The following SULF2 variants were observed in gnomAD, a reference collection of about 807,000 sequenced individuals.
SULF2 encodes the protein extracellular sulfatase Sulf-2.
SULF2 carries 52 observed loss-of-function variants against 107.7 expected under a neutral mutation model. The ratio of observed to expected loss-of-function variants is 0.48; its 90% CI spans 0.39 to 0.61. The LOEUF is 0.61. SULF2 is among the 20% of genes least tolerant of loss of function. The probability of loss-of-function intolerance (pLI) is 0.00; values close to 1 mark genes in which losing one functional copy is unlikely to be tolerated. For synonymous variants in SULF2, 460 were observed against 464.3 expected (o/e 0.99, Z 0.12); for missense variants, 993 against 1,177.3 (o/e 0.84, Z 2.29).
chr20:47,659,305 T>G, intron 20 of SULF2, 94 bp downstream of exon 20: 1 of 1,074,276 alleles, frequency 9.3e-7, no homozygotes, highest in Admixed American at 1.7e-5. Context: ...AAACAAAGGG[T>G]GGTATGTAAG....
intron 9 of SULF2, 182 bp from the exon 10 acceptor site, chr20:47,676,805 A>G: frequency 1.4e-6 from 1 of 731,106 alleles, no homozygotes; most frequent in Non-Finnish European, 2.2e-6. Flanking sequence ...GAATTTTATA[A>G]GAAACTTCCC....
intron 3 of SULF2, among the ~76,000 whole-genome samples, chr20:47,707,959 G>A (rs1318910945): frequency 1.3e-5 from 2 of 152,122 alleles, no homozygotes; most frequent in African/African-American, 2.4e-5. Context: ...AGTGTACCTG[G>A]GCATGGTACA....
At position 47,657,834 on chromosome 20, in the gene SULF2, T is replaced by C. The variant is rs2086943609; in HGVS notation, c.*528A>G. 6.3e-6 allele frequency: 1 copy of C among 158,582 alleles called. No homozygotes were observed. Among genetic ancestry groups the C allele is most frequent in the Non-Finnish European group, 1.4e-5 (1 of 71,788 alleles). The allele number at this position is 158,582 out of a possible 1,614,324, so 9.8% of individuals were successfully genotyped here. A position where few individuals can be genotyped will look rare whatever the true frequency, so the allele number is the denominator to read the frequency against. ...GGCAACCAGGGTTTATAGTGCTAGG[T>C]AAATGTCATCTCTTTTGTGCTACTG... On this transcript the variant is annotated 3_prime_UTR_variant, in exon 21 of 21. Coordinates refer to ENST00000688720, the MANE Select transcript of SULF2 (RefSeq NM_001387048.1).
At position 47,705,554 on chromosome 20, in the gene SULF2, T is replaced by C. The variant is rs143538293; in HGVS notation, c.416-2884A>G. On this transcript the variant is annotated intron_variant, in intron 3 of 20. Coordinates refer to ENST00000688720, the MANE Select transcript of SULF2 (RefSeq NM_001387048.1). ...ACCTGGAATGTTGGAGATGCCTCAA[T>C]GCATCCAGCTCCTCAAAGCAGTGGC... is the stretch of plus-strand genomic sequence containing the variant. Among the ~76,000 whole-genome samples the C allele has an allele frequency of 5.7e-4, 87 of 152,274 alleles. No individual in the cohort carries two copies. The East Asian group carries it at 0.015, about 27-fold the overall frequency.
chr20:47,675,159 C>T (rs915936910), intron 10 of SULF2, among the ~76,000 whole-genome samples: 4 of 152,154 alleles, frequency 2.6e-5, no homozygotes, highest in East Asian at 3.9e-4. Context: ...AACGTTCCCT[C>T]GTCGAGGGGC....
intron 1 of SULF2, among the ~76,000 whole-genome samples, chr20:47,760,922 C>T (rs923285541): frequency 3.3e-5 from 5 of 152,214 alleles, no homozygotes; most frequent in African/African-American, 9.6e-5. Flanking sequence ...CTTTATGCCA[C>T]GTGGTGTGAT....
chr20:47,730,409 A>G lies in SULF2; in HGVS notation c.415+6294T>C, dbSNP rs115435676. On this transcript the variant is annotated intron_variant, in intron 3 of 20. Coordinates refer to ENST00000688720, the MANE Select transcript of SULF2 (RefSeq NM_001387048.1). Reference sequence around the variant, plus strand: ...CCCAATGGGGAGAAAATGGCACTCCAATCTAGTTCACCAGAAAGAGCTGGA... The same window carrying G: ...CCCAATGGGGAGAAAATGGCACTCCGATCTAGTTCACCAGAAAGAGCTGGA... Among the ~76,000 whole-genome samples the G allele has an allele frequency of 8.5e-4, 129 of 152,346 alleles. 1 individual carries two copies. The highest frequency in any genetic ancestry group is 3.1e-3 in the African/African-American group (127 of 41,588).
At chr20:47,676,760 C>T (rs1274324199) in intron 9 of SULF2, 137 bp from the exon 10 acceptor site, 12 of 1,038,668 alleles carry the variant, frequency 1.2e-5, no homozygotes, top group South Asian at 3.4e-5. Context: ...GCCACCTGCC[C>T]GGGTCTTCTG....
intron 3 of SULF2, among the ~76,000 whole-genome samples, chr20:47,733,666 A>C (rs2089666575): frequency 6.6e-6 from 1 of 152,122 alleles, no homozygotes; most frequent in Admixed American, 6.5e-5. Context: ...TCAGCTATTC[A>C]GGAGGCTGAG....
At chr20:47,709,902 CTTTT>C (rs36064156) in intron 3 of SULF2, among the ~76,000 whole-genome samples, 1 of 137,942 alleles carries the variant, frequency 7.2e-6, no homozygotes, top group African/African-American at 2.7e-5. Flanking sequence ...CCTGAAACCA[CTTTT>C]TTTTTTTTTT....
chr20:47,767,403 G>A (rs1485029802), intron 1 of SULF2, among the ~76,000 whole-genome samples: 3 of 152,212 alleles, frequency 2.0e-5, no homozygotes, highest in African/African-American at 7.2e-5. Context: ...CCAGCACTTT[G>A]GGAGGCCAAG....
At chr20:47,687,061 C>T (rs1004702578) in intron 5 of SULF2, among the ~76,000 whole-genome samples, 5 of 152,166 alleles carry the variant, frequency 3.3e-5, no homozygotes, top group African/African-American at 7.2e-5. Context: ...AAATTGGTCC[C>T]GCAGGCCCAA....
chr20:47,740,558 C>T (rs934554161), intron 2 of SULF2, among the ~76,000 whole-genome samples: 1 of 152,118 alleles, frequency 6.6e-6, no homozygotes, highest in Admixed American at 6.5e-5. Flanking sequence ...GGTGGCATTG[C>T]CTTAGATTAA....
chr20:47,702,812 A>T (rs1417010798), intron 3 of SULF2, 142 bp from the exon 4 acceptor site: 1 of 656,886 alleles, frequency 1.5e-6, no homozygotes, highest in Non-Finnish European at 2.6e-6. Context: ...TCCCTTCTCC[A>T]ATGTTATTAC....
At chr20:47,687,025 G>A (rs1170697289) in intron 5 of SULF2, among the ~76,000 whole-genome samples, 1 of 152,188 alleles carries the variant, frequency 6.6e-6, no homozygotes, top group Non-Finnish European at 1.5e-5. Flanking sequence ...GGACAGAGAC[G>A]CTCTCAGAGC....
At position 47,666,968 on chromosome 20, in the gene SULF2, C is replaced by T. The variant is rs964450146; in HGVS notation, c.1577-480G>A. Among the ~76,000 whole-genome samples the T allele has an allele frequency of 4.6e-5, 7 of 152,080 alleles. No individual in the cohort carries two copies. The highest frequency in any genetic ancestry group is 1.7e-4 in the African/African-American group (7 of 41,384). On this transcript the variant is annotated intron_variant, in intron 11 of 20. Coordinates refer to ENST00000688720, the MANE Select transcript of SULF2 (RefSeq NM_001387048.1). This position sits in a 1 kb window ranked among gnomAD's most constrained non-coding sequence, Gnocchi z 5.4. ...CGGCAGAAAGAAGATTGGTGATTGC[C>T]AGGGGCTGGGGGAGAGGGTAGTGAG...
chr20:47,707,285 G>A (rs999308193), intron 3 of SULF2, among the ~76,000 whole-genome samples: 3 of 152,188 alleles, frequency 2.0e-5, no homozygotes, highest in Non-Finnish European at 2.9e-5. Context: ...CACCCTGTCC[G>A]GCAGTTTTAT....
intron 1 of SULF2, among the ~76,000 whole-genome samples, chr20:47,779,397 C>T (rs2090781826): frequency 6.6e-6 from 1 of 152,124 alleles, no homozygotes; most frequent in Non-Finnish European, 1.5e-5. Context: ...TGGGCCCTAC[C>T]TCCAAAATAC....
At chr20:47,745,862 G>A (rs377302354) in intron 2 of SULF2, among the ~76,000 whole-genome samples, 5 of 152,216 alleles carry the variant, frequency 3.3e-5, no homozygotes, top group East Asian at 3.9e-4. Context: ...ATCGTCTCAC[G>A]CGGAGTTAAA....
Sources: allele counts gnomAD v4.1 joint callset (sites outside exome capture counted in the v4.1 genomes callset), GRCh38; gene constraint gnomAD v4.1.1; non-coding constraint Gnocchi (gnomAD v3.1); transcripts MANE v1.5; gene names NCBI Gene and HGNC (gene_info 2026-07-23, HGNC 2026-07-21).